The following GPHN variants were observed in gnomAD, a reference collection of about 807,000 sequenced individuals.
GPHN encodes gephyrin.
GPHN carries 17 observed loss-of-function variants against 95.5 expected under a neutral mutation model. The ratio of observed to expected loss-of-function variants is 0.18; its 90% CI spans 0.12 to 0.27. The LOEUF is 0.27. Ranked by LOEUF, GPHN falls within the 10% of genes least tolerant of loss-of-function variation. The pLI is 1.00. For synonymous variants in GPHN, 320 were observed against 322.5 expected (o/e 0.99, Z 0.08); for missense variants, 660 against 978.1 (o/e 0.67, Z 4.34).
the GPHN span, among the ~76,000 whole-genome samples, chr14:67,268,557 G>T: frequency 6.6e-6 from 1 of 152,150 alleles, no homozygotes; most frequent in Non-Finnish European, 1.5e-5. Context: ...TGGGCAATTC[G>T]CAGAACTGAG....
chr14:67,087,023 G>A (rs2076927673), intron 11 of GPHN, among the ~76,000 whole-genome samples: 1 of 127,980 alleles, frequency 7.8e-6, no homozygotes, highest in African/African-American at 3.3e-5. Flanking sequence ...GGGCGACAGA[G>A]CAAGACTCTG....
the GPHN span, chr14:67,650,558 A>G: frequency 3.7e-6 from 2 of 547,462 alleles, no homozygotes; most frequent in Admixed American, 7.9e-5. Context: ...CATGGCCAAG[A>G]GGATGAGGTG....
intron 5 of GPHN, among the ~76,000 whole-genome samples, chr14:66,908,020 T>A (rs564432161): frequency 1.8e-3 from 277 of 150,618 alleles, no homozygotes; most frequent in African/African-American, 6.5e-3. Flanking sequence ...AATATTTGTT[T>A]TATATATATA....
chr14:66,582,978 G>T (rs993026891), intron 1 of GPHN, among the ~76,000 whole-genome samples: 17 of 152,012 alleles, frequency 1.1e-4, no homozygotes, highest in Admixed American at 2.0e-4. Flanking sequence ...CCACAATGGT[G>T]GAACTAGTTT....
the GPHN span, chr14:67,360,475 G>T: frequency 1.1e-4 from 39 of 355,476 alleles, no homozygotes; most frequent in Admixed American, 9.5e-5. Context: ...TCCCAAGCTC[G>T]GTTTCTCCAG....
At chr14:67,012,251 A>G (rs867290792) in intron 9 of GPHN, among the ~76,000 whole-genome samples, 1 of 152,240 alleles carries the variant, frequency 6.6e-6, no homozygotes, top group South Asian at 2.1e-4. Context: ...AATACTAGCA[A>G]GTGTAGTAGC....
At chr14:67,724,945 A>C in the GPHN span, among the ~76,000 whole-genome samples, 1 of 152,226 alleles carries the variant, frequency 6.6e-6, no homozygotes, top group Admixed American at 6.5e-5. Flanking sequence ...GAACAGTACT[A>C]CTGTGAAAAG....
intron 1 of GPHN, among the ~76,000 whole-genome samples, chr14:66,631,179 G>A (rs927421460): frequency 6.6e-6 from 1 of 152,028 alleles, no homozygotes; most frequent in African/African-American, 2.4e-5. Flanking sequence ...CTCCTGAGTA[G>A]CTGGGATAAC....
intron 1 of GPHN, among the ~76,000 whole-genome samples, chr14:66,571,457 TC>T (rs1367118412): frequency 6.6e-6 from 1 of 152,194 alleles, no homozygotes; most frequent in Non-Finnish European, 1.5e-5. Flanking sequence ...ACTCTGTTGA[TC>T]ATGTACCTTG....
the GPHN span, among the ~76,000 whole-genome samples, chr14:67,326,221 A>AT: frequency 8.4e-3 from 108 of 12,912 alleles, 50 homozygotes; most frequent in Non-Finnish European, 0.013. Flanking sequence ...TTTAGGTCTG[A>AT]TTTTTTTTTT....
At position 67,093,324 on chromosome 14, in the gene GPHN, C is replaced by T. The variant is rs371966155; in HGVS notation, c.1237+4249C>T. Among the ~76,000 whole-genome samples the T allele has an allele frequency of 2.6e-5, 4 of 152,078 alleles. No individual in the cohort carries two copies. The South Asian group carries it at 6.2e-4, about 24-fold the overall frequency. The stretch of plus-strand genomic sequence containing the variant: ...GCATTTTGTGCATTTACCTCACATA[C>T]AGTGGGTTAGAATACACCAAAATTC... On this transcript the variant is annotated intron_variant, in intron 12 of 22. Coordinates refer to ENST00000478722, the MANE Select transcript of GPHN (RefSeq NM_020806.5).
intron 4 of GPHN, among the ~76,000 whole-genome samples, chr14:66,852,514 C>T (rs1449416681): frequency 6.6e-6 from 1 of 152,182 alleles, no homozygotes; most frequent in Admixed American, 6.5e-5. Flanking sequence ...GTGTCTTAAG[C>T]AGAATGAACT....
chr14:66,833,953 T>C lies in GPHN; in HGVS notation c.294+9387T>C, dbSNP rs8012660. On this transcript the variant is annotated intron_variant, in intron 4 of 22. Coordinates refer to ENST00000478722, the MANE Select transcript of GPHN (RefSeq NM_020806.5). ...TCAGAGTTTGAAGAGAACAAAGACC[T>C]TCATGTTCAAAGCCCTAGCATGCCC... 4.5e-3 allele frequency among the ~76,000 whole-genome samples: 682 copies of C among 152,106 alleles called. 2 individuals carry two copies. The highest frequency in any genetic ancestry group is 0.016 in the African/African-American group (651 of 41,486).
chr14:67,312,800 CTATT>C, the GPHN span: 1 of 1,017,100 alleles, frequency 9.8e-7, no homozygotes, highest in South Asian at 3.0e-5. Flanking sequence ...TTTCATGCCT[CTATT>C]TAATAAAGTA....
At chr14:67,698,496 A>G in the GPHN span, among the ~76,000 whole-genome samples, 2 of 152,196 alleles carry the variant, frequency 1.3e-5, no homozygotes, top group Non-Finnish European at 2.9e-5. Flanking sequence ...GAACCCTAAC[A>G]TTATGAAATG....
At chr14:67,506,546 G>C in the GPHN span, among the ~76,000 whole-genome samples, 2 of 152,182 alleles carry the variant, frequency 1.3e-5, no homozygotes, top group African/African-American at 2.4e-5. Context: ...ATGGGGATAG[G>C]GGAATAAGAG....
intron 18 of GPHN, among the ~76,000 whole-genome samples, chr14:67,151,878 G>A (rs1317227101): frequency 2.0e-5 from 3 of 152,068 alleles, no homozygotes; most frequent in African/African-American, 4.8e-5. Flanking sequence ...TCCTGGCCTC[G>A]AGTGATCCGC....
At chr14:67,552,496 G>A in the GPHN span, among the ~76,000 whole-genome samples, 5 of 152,216 alleles carry the variant, frequency 3.3e-5, no homozygotes, top group Admixed American at 6.5e-5. Context: ...GGCTGGGTGC[G>A]GTGGCTCACG....
chr14:66,806,706 C>T (rs2060558008), intron 3 of GPHN, among the ~76,000 whole-genome samples: 2 of 152,198 alleles, frequency 1.3e-5, no homozygotes, highest in South Asian at 4.1e-4. Context: ...ACAAGAGTCA[C>T]CTTTGCTCCA....
Sources: gnomAD v4.1 joint callset for allele counts (sites outside exome capture counted in the v4.1 genomes callset) on GRCh38, gnomAD v4.1.1 for gene constraint, MANE v1.5 for transcripts, NCBI Gene and HGNC (gene_info 2026-07-23, HGNC 2026-07-21) for gene names.